SIPA1L1: variants seen among roughly 807,000 people sequenced by gnomAD.
SIPA1L1 encodes the protein signal-induced proliferation-associated 1-like protein 1.
SIPA1L1 carries 26 observed loss-of-function variants against 162.7 expected under a neutral mutation model. The observed-to-expected ratio is 0.16, with a 90% CI of 0.12 to 0.22. The LOEUF is 0.22. Ranked by LOEUF, SIPA1L1 falls within the 10% of genes least tolerant of loss-of-function variation. The probability of loss-of-function intolerance (pLI) is 1.00; values close to 1 mark genes in which losing one functional copy is unlikely to be tolerated. For missense variants in SIPA1L1, 1,874 were observed against 2,241.0 expected (o/e 0.84, Z 3.31); for synonymous variants, 829 against 837.4 (o/e 0.99, Z 0.17).
intron 5 of SIPA1L1, among the ~76,000 whole-genome samples, chr14:71,603,941 C>CTA (rs907730607): frequency 8.0e-5 from 11 of 138,060 alleles, no homozygotes; most frequent in African/African-American, 2.6e-4. Context: ...ATTTATATAT[C>CTA]TATATATATT....
chr14:71,564,232 A>C (rs2029863057), intron 4 of SIPA1L1, among the ~76,000 whole-genome samples: 1 of 151,922 alleles, frequency 6.6e-6, no homozygotes, highest in South Asian at 2.1e-4. Flanking sequence ...TACAAGCATG[A>C]GCTGCAATAT....
intron 7 of SIPA1L1, 122 bp from the exon 8 acceptor site, chr14:71,650,213 T>G (rs550287729): frequency 1.0e-6 from 1 of 988,694 alleles, no homozygotes; most frequent in East Asian, 2.4e-5. Context: ...TACAGAAGGA[T>G]TTCAAGAGAA....
At chr14:71,525,862 T>C (rs1199350038) in intron 3 of SIPA1L1, among the ~76,000 whole-genome samples, 1 of 152,214 alleles carries the variant, frequency 6.6e-6, no homozygotes, top group African/African-American at 2.4e-5. Flanking sequence ...CTTAGCAGAT[T>C]ATGTTAAAAT....
chr14:71,403,962 A>T (rs1236143800), intron 2 of SIPA1L1, among the ~76,000 whole-genome samples: 2 of 152,166 alleles, frequency 1.3e-5, no homozygotes, highest in South Asian at 2.1e-4. Flanking sequence ...CTTTCCCTTG[A>T]CTGCACACAC....
chr14:71,681,083 T>C (rs1400148395), intron 12 of SIPA1L1, among the ~76,000 whole-genome samples: 1 of 152,204 alleles, frequency 6.6e-6, no homozygotes, highest in Non-Finnish European at 1.5e-5. Context: ...GCGATGAGAA[T>C]GAGGCTGGGA....
At chr14:71,363,774 T>G (rs1430774047) in intron 2 of SIPA1L1, among the ~76,000 whole-genome samples, 1 of 152,200 alleles carries the variant, frequency 6.6e-6, no homozygotes, top group Non-Finnish European at 1.5e-5. Context: ...TTGCAAAACT[T>G]GAATGCACCA....
At chr14:71,560,661 A>G (rs1001503121) in intron 4 of SIPA1L1, among the ~76,000 whole-genome samples, 2 of 152,240 alleles carry the variant, frequency 1.3e-5, no homozygotes, top group Non-Finnish European at 2.9e-5. Flanking sequence ...TGTATCTTCT[A>G]GGACACACCA....
chr14:71,676,517 G>A lies in SIPA1L1; in HGVS notation c.3104+3895G>A, dbSNP rs554172964. On this transcript the variant is annotated intron_variant, in intron 12 of 23. Coordinates refer to ENST00000381232, the MANE Select transcript of SIPA1L1 (RefSeq NM_001386936.1). ...ATACTTTAAGTTCTAGGATACATGT[G>A]TGCAACGTGCAGGTTTGTTACATAT... is the stretch of plus-strand genomic sequence containing the variant. 2.8e-5 allele frequency among the ~76,000 whole-genome samples: 4 copies of A among 145,234 alleles called. No homozygotes were observed. In the East Asian group the frequency reaches 8.2e-4, roughly 30 times the overall value.
At chr14:71,505,612 C>T (rs2050600305) in intron 2 of SIPA1L1, among the ~76,000 whole-genome samples, 1 of 151,922 alleles carries the variant, frequency 6.6e-6, no homozygotes, top group Non-Finnish European at 1.5e-5. Context: ...TTGTCTTGGC[C>T]TAGCTTTTCA....
At chr14:71,603,680 TG>T (rs1166992451) in intron 5 of SIPA1L1, among the ~76,000 whole-genome samples, 2 of 151,932 alleles carry the variant, frequency 1.3e-5, no homozygotes, top group Non-Finnish European at 2.9e-5. Context: ...CCCAGCACTT[TG>T]GGAGGCCGAG....
chr14:71,574,734 A>AT (rs1405852473), intron 4 of SIPA1L1: 1 of 152,080 alleles, frequency 6.6e-6, no homozygotes, highest in African/African-American at 2.4e-5. Flanking sequence ...TCCTGCCACA[A>AT]GGTTTTATCT....
intron 2 of SIPA1L1, among the ~76,000 whole-genome samples, chr14:71,462,087 G>T (rs2046645698): frequency 6.6e-6 from 1 of 152,216 alleles, no homozygotes; most frequent in Non-Finnish European, 1.5e-5. Flanking sequence ...TTTATAGCTA[G>T]ATTGGTTAGA....
chr14:71,547,347 G>T (rs961243977), intron 4 of SIPA1L1, among the ~76,000 whole-genome samples: 16 of 139,342 alleles, frequency 1.1e-4, no homozygotes, highest in African/African-American at 4.3e-4. Context: ...AGGCTGGAGT[G>T]CAGTGGCATG....
At position 71,588,840 on chromosome 14, in the gene SIPA1L1, G is replaced by T. The variant is rs763699132; in HGVS notation, c.968G>T (p.Arg323Met). Residue 323 changes from arginine to methionine, a missense_variant, in exon 5 of 24, where the codon AGG (arginine) becomes ATG (methionine). Arg to Met is a moderately conservative substitution (Grantham distance 91, BLOSUM62 -1). Coordinates refer to ENST00000381232, the MANE Select transcript of SIPA1L1 (RefSeq NM_001386936.1). This position sits in a 1 kb window ranked among gnomAD's most constrained non-coding sequence, Gnocchi z 4.3. Reference sequence around the variant, plus strand: ...GATAACCGATCAGAAGACTCTGTCAGGCCCTGGACATGTCCAAAGTGCTTT... The same window carrying T: ...GATAACCGATCAGAAGACTCTGTCATGCCCTGGACATGTCCAAAGTGCTTT... Reference protein sequence around the residue: ...LEDNRSEDSVRPWTCPKCFAH... With the variant: ...LEDNRSEDSVMPWTCPKCFAH... 6.8e-6 allele frequency: 11 copies of T among 1,614,004 alleles called. No individual in the cohort carries two copies. The Admixed American group carries it at 8.3e-5, about 12-fold the overall frequency.
chr14:71,462,964 C>G (rs1377943887), intron 2 of SIPA1L1, among the ~76,000 whole-genome samples: 1 of 152,180 alleles, frequency 6.6e-6, no homozygotes, highest in Admixed American at 6.5e-5. Context: ...TACCAGGTAC[C>G]AGGAGATATG....
chr14:71,690,466 GTAAACTCTT>G, intron 13 of SIPA1L1, among the ~76,000 whole-genome samples: 1 of 152,126 alleles, frequency 6.6e-6, no homozygotes, highest in South Asian at 2.1e-4. Flanking sequence ...CAGACTAGTT[GTAAACTCTT>G]AGCCTCAAGT....
chr14:71,329,201 G>T (rs1463939187), intron 2 of SIPA1L1, among the ~76,000 whole-genome samples: 11 of 152,160 alleles, frequency 7.2e-5, no homozygotes, highest in African/African-American at 2.7e-4. Flanking sequence ...AGTTGTGATT[G>T]TTGCTATGAA....
At chr14:71,437,573 G>T (rs2044489236) in intron 2 of SIPA1L1, among the ~76,000 whole-genome samples, 2 of 152,048 alleles carry the variant, frequency 1.3e-5, no homozygotes, top group South Asian at 4.1e-4. Flanking sequence ...TGTTGGCCAG[G>T]CTGGTCTCGA....
intron 2 of SIPA1L1, among the ~76,000 whole-genome samples, chr14:71,486,860 C>T (rs10130652): frequency 0.58 from 87,852 of 152,000 alleles, 26,034 homozygotes; most frequent in East Asian, 0.77. Flanking sequence ...ATTGATATTA[C>T]GTGCTACAAA....
Sources: gnomAD v4.1 joint callset for allele counts (sites outside exome capture counted in the v4.1 genomes callset) on GRCh38, gnomAD v4.1.1 for gene constraint, Gnocchi (gnomAD v3.1) non-coding constraint, MANE v1.5 for transcripts, NCBI Gene and HGNC (gene_info 2026-07-23, HGNC 2026-07-21) for gene names.